The following MAPK8IP1 variants were observed in gnomAD, a reference collection of about 807,000 sequenced individuals.
The protein encoded by MAPK8IP1 is mitogen-activated protein kinase 8 interacting protein 1, also known as C-Jun-amino-terminal kinase-interacting protein 1.
Under a neutral mutation model 72.6 loss-of-function variants are expected in MAPK8IP1, and 17 were observed. The observed-to-expected ratio is 0.23, with a 90% confidence interval of 0.16 to 0.35. MAPK8IP1 has a LOEUF of 0.35. MAPK8IP1 is among the 10% of genes least tolerant of loss of function. The pLI is 1.00. For missense variants in MAPK8IP1, 789 were observed against 1,009.7 expected (o/e 0.78, Z 2.96); for synonymous variants, 401 against 443.4 (o/e 0.90, Z 1.20).
Position 45,900,316 on chromosome 11 carries a change from C to A in MAPK8IP1, c.386C>A (p.Ala129Asp). 1.4e-6 allele frequency: 2 copies of A among 1,413,076 alleles called. No homozygotes were observed. Among genetic ancestry groups the A allele is most frequent in the Non-Finnish European group, 9.2e-7 (1 of 1,091,376 alleles). 87.5% of individuals were successfully genotyped at this position (1,413,076 alleles called of 1,614,324 possible). A position where few individuals can be genotyped will look rare whatever the true frequency, so the allele number is the denominator to read the frequency against. ...CGGCCGGGAGCGGGGCCGCCCAAGG[C>A]CGAGTCCGGCCAGGAGCCGGCGTCC... The part of the protein sequence containing the change: ...ARRPGAGPPK[A>D]ESGQEPASRG... Residue 129 changes from alanine to aspartate, a missense_variant, in exon 3 of 12, where the codon GCC becomes GAC. This residue lies in a region of MAPK8IP1 where 112 missense variants were observed against 192.8 expected (regional missense o/e 0.58). Coordinates refer to ENST00000241014, the MANE Select transcript of MAPK8IP1 (RefSeq NM_005456.4). This position sits in a 1 kb window ranked among gnomAD's most constrained non-coding sequence, Gnocchi z 6.5.
rs1377153803 is a variant in MAPK8IP1, at chr11:45,902,565, A to G, written c.798A>G (p.Arg266=). The change falls in exon 5 of 12, where the codon CGA becomes CGG. Residue 266 remains arginine (R), a synonymous_variant. Coordinates refer to ENST00000241014, the MANE Select transcript of MAPK8IP1 (RefSeq NM_005456.4). The surrounding 1 kb of genome is among the most constrained non-coding windows in gnomAD (Gnocchi z 9.3). The part of the protein sequence containing the change: ...PGGRGHSHRD[R]IHYQADVRLE... ...GTCGGGGCCACTCGCATCGAGACCG[A>G]ATCCACTACCAGGCCGATGTGCGAC... 2.5e-6 allele frequency: 4 copies of G among 1,612,472 alleles called. No individual in the cohort carries two copies. The highest frequency in any genetic ancestry group is 3.4e-6 in the Non-Finnish European group (4 of 1,179,848).
At chr11:45,886,813 T>C (rs555076635) in intron 1 of MAPK8IP1, among the ~76,000 whole-genome samples, 1 of 152,156 alleles carries the variant, frequency 6.6e-6, no homozygotes, top group South Asian at 2.1e-4. Flanking sequence ...ACATACCCCA[T>C]TGTTTCCCCA....
chr11:45,887,992 C>G (rs1238678756), intron 1 of MAPK8IP1, among the ~76,000 whole-genome samples: 1 of 152,246 alleles, frequency 6.6e-6, no homozygotes. Context: ...GGTTTGAATC[C>G]TGGCTGGCCC....
In MAPK8IP1 at chr11:45,902,704, C is replaced by G. The variant is rs1201144593; in HGVS notation, c.937C>G (p.Pro313Ala). The change falls in exon 5 of 12, where the codon CCA becomes GCA. Residue 313 changes from proline to alanine, a missense_variant. Transcript: ENST00000241014. This position sits in a 1 kb window ranked among gnomAD's most constrained non-coding sequence, Gnocchi z 9.3. ...GAGCCGGATGTCAGTCAGCTCCGAT[C>G]CAGACCCTGCCGCCTACCCCTCCAC... ...TESRMSVSSD[P>A]DPAAYPSTAG... 6.2e-7 allele frequency: 1 copy of G among 1,609,856 alleles called. No homozygotes were observed. The highest frequency in any genetic ancestry group is 1.3e-5 in the African/African-American group (1 of 75,032).
At position 45,885,850 on chromosome 11, in the gene MAPK8IP1, A is replaced by C. The variant is rs748239648; in HGVS notation, c.30A>C (p.Gly10=). 14 of 1,446,686 alleles carry C rather than the reference A, an allele frequency of 9.7e-6. No individual in the cohort carries two copies. The highest frequency in any genetic ancestry group is 1.3e-5 in the Non-Finnish European group (14 of 1,096,696). 89.6% of individuals were successfully genotyped at this position (1,446,686 alleles called of 1,614,324 possible). A position where few individuals can be genotyped will look rare whatever the true frequency, so the allele number is the denominator to read the frequency against. MAERESGGL[G]GGAASPPAAS... is the part of the protein sequence containing the mutation. The stretch of plus-strand genomic sequence containing the variant: ...CGGAGCGAGAAAGCGGCGGCCTGGG[A>C]GGGGGGGCCGCGTCCCCGCCCGCCG... The change falls in exon 1 of 12, where the codon GGA becomes GGC. Residue 10 remains glycine (G), a synonymous_variant. Coordinates refer to ENST00000241014, the MANE Select transcript of MAPK8IP1 (RefSeq NM_005456.4).
intron 1 of MAPK8IP1, 115 bp from the exon 2 acceptor site, chr11:45,897,970 G>A: frequency 2.9e-6 from 2 of 701,254 alleles, no homozygotes; most frequent in Admixed American, 2.0e-5. Flanking sequence ...CCCAAATCCT[G>A]TCCTCTGGGG....
At position 45,900,873 on chromosome 11, in the gene MAPK8IP1, G is replaced by A. The variant is rs938628394; in HGVS notation, c.522+421G>A. Among the ~76,000 whole-genome samples the A allele has an allele frequency of 6.6e-6, 1 of 152,096 alleles. No homozygotes were observed. The highest frequency in any genetic ancestry group is 6.5e-5 in the Admixed American group (1 of 15,280). On this transcript the variant is annotated intron_variant, in intron 3 of 11. Transcript: ENST00000241014. This position sits in a 1 kb window ranked among gnomAD's most constrained non-coding sequence, Gnocchi z 6.5. ...AAGGGCATCTGAAATGGTCATCGTG[G>A]GGGAGGCCGTGGGAGATCGTGGCGA...
chr11:45,898,812 G>A (rs980029607), intron 2 of MAPK8IP1, among the ~76,000 whole-genome samples: 1 of 152,220 alleles, frequency 6.6e-6, no homozygotes, highest in Non-Finnish European at 1.5e-5. Context: ...CTAAAGATCT[G>A]AATGCTGCCA....
chr11:45,887,576 C>A (rs1436754380), intron 1 of MAPK8IP1, among the ~76,000 whole-genome samples: 2 of 152,260 alleles, frequency 1.3e-5, no homozygotes, highest in Non-Finnish European at 1.5e-5. Flanking sequence ...GTCCACTCTA[C>A]GTCCCAGCCC....
chr11:45,902,267 G>A lies in MAPK8IP1; in HGVS notation c.605-105G>A. ...GAGCCTGCGAAGGGCCTGTTGCCCA[G>A]GGAGGCTTTGTCTTGGTTTCTGTGT... On this transcript the variant is annotated intron_variant, in intron 4 of 11. Transcript: ENST00000241014. The surrounding 1 kb of genome is among the most constrained non-coding windows in gnomAD (Gnocchi z 9.3). 1.8e-6 allele frequency: 2 copies of A among 1,109,404 alleles called. No homozygotes were observed. Among genetic ancestry groups the A allele is most frequent in the Non-Finnish European group, 2.7e-6 (2 of 743,716 alleles). The allele number at this position is 1,109,404 out of a possible 1,614,324, so 68.7% of individuals were successfully genotyped here. A position where few individuals can be genotyped will look rare whatever the true frequency, so the allele number is the denominator to read the frequency against.
At chr11:45,899,978 G>A (rs778866118) in intron 2 of MAPK8IP1, among the ~76,000 whole-genome samples, 160 bp from the exon 3 acceptor site, 9 of 152,194 alleles carry the variant, frequency 5.9e-5, no homozygotes, top group Non-Finnish European at 1.0e-4. Flanking sequence ...GCTTCCTCGC[G>A]GCGGACGGGC....
Position 45,904,179 on chromosome 11 carries a change from G to C in MAPK8IP1, c.1666+18G>C, listed in dbSNP as rs2086683317. 1 of 1,610,816 alleles carries C rather than the reference G, an allele frequency of 6.2e-7. No homozygotes were observed. The highest frequency in any genetic ancestry group is 1.3e-5 in the African/African-American group (1 of 74,790). On this transcript the variant is annotated intron_variant, in intron 7 of 11. Coordinates refer to ENST00000241014, the MANE Select transcript of MAPK8IP1 (RefSeq NM_005456.4). The surrounding 1 kb of genome is among the most constrained non-coding windows in gnomAD (Gnocchi z 6.4). ...CATGGCAGGTAGTGTTCCCTCCCTGGCCTGTGCCCCCAGCCACCACATCTG... is the reference window on the plus strand; with the variant it reads ...CATGGCAGGTAGTGTTCCCTCCCTGCCCTGTGCCCCCAGCCACCACATCTG...
chr11:45,896,766 A>G, intron 1 of MAPK8IP1: 1 of 1,504,818 alleles, frequency 6.6e-7, no homozygotes, highest in Non-Finnish European at 8.9e-7. Flanking sequence ...GACAGGCCCA[A>G]GCGGTGGAGG....
Position 45,903,848 on chromosome 11 carries a change from G to T in MAPK8IP1, c.1494-141G>T, listed in dbSNP as rs917345295. 1 of 804,164 alleles carries T rather than the reference G, an allele frequency of 1.2e-6. No individual in the cohort carries two copies. The highest frequency in any genetic ancestry group is 2.1e-6 in the Non-Finnish European group (1 of 465,808). 49.8% of individuals were successfully genotyped at this position (804,164 alleles called of 1,614,324 possible). ...CTGCTTGACCTTGCTCTCCCCTGGGGTTAGTACTGCAACAGGCACACAGGA... is the reference window on the plus strand; with the variant it reads ...CTGCTTGACCTTGCTCTCCCCTGGGTTTAGTACTGCAACAGGCACACAGGA... On this transcript the variant is annotated intron_variant, in intron 6 of 11. Transcript: ENST00000241014. The surrounding 1 kb of genome is among the most constrained non-coding windows in gnomAD (Gnocchi z 6.4).
intron 3 of MAPK8IP1, among the ~76,000 whole-genome samples, chr11:45,901,418 A>G (rs2086652206): frequency 6.6e-6 from 1 of 152,078 alleles, no homozygotes; most frequent in Admixed American, 6.5e-5. Flanking sequence ...AAACTCTGTT[A>G]TGGATTTGTC....
intron 1 of MAPK8IP1, among the ~76,000 whole-genome samples, chr11:45,886,711 G>A (rs1302656774): frequency 1.3e-5 from 2 of 152,198 alleles, no homozygotes; most frequent in South Asian, 4.1e-4. Flanking sequence ...TGTGGAGGAG[G>A]AATAGATGTA....
chr11:45,891,607 G>T (rs1048658960), intron 1 of MAPK8IP1, among the ~76,000 whole-genome samples: 2 of 152,216 alleles, frequency 1.3e-5, no homozygotes, highest in Non-Finnish European at 2.9e-5. Context: ...ATGAAAGTCT[G>T]TGAAGGACAG....
intron 11 of MAPK8IP1, 35 bp from the exon 12 acceptor site, chr11:45,905,614 C>T (rs754128688): frequency 1.0e-4 from 163 of 1,584,900 alleles, no homozygotes; most frequent in Middle Eastern, 1.0e-3. Flanking sequence ...TTGCCAGTGG[C>T]GATCTGAGCC....
Position 45,905,741 on chromosome 11 carries a change from GCGTCCCCCAGCCCTCAGGCCAGT to G in MAPK8IP1, c.*21_*43del. On this transcript the variant is annotated 3_prime_UTR_variant, in exon 12 of 12. Transcript: ENST00000241014. ...GAGTAGCTGTGCAGCCCCGCCCTCTGCGTCCCCCAGCCCTCAGGCCAGTGCCAGGACAGCTGGCTGCTGACAGG... is the reference window on the plus strand; with the variant it reads ...GAGTAGCTGTGCAGCCCCGCCCTCTGGCCAGGACAGCTGGCTGCTGACAGG... 6.2e-7 allele frequency: 1 copy of G among 1,609,924 alleles called. No individual in the cohort carries two copies. Among genetic ancestry groups the G allele is most frequent in the East Asian group, 2.2e-5 (1 of 44,864 alleles).
Sources: gnomAD v4.1 joint callset for allele counts (sites outside exome capture counted in the v4.1 genomes callset) on GRCh38, gnomAD v4.1.1 for gene constraint, gnomAD v4.1.1 regional missense constraint, Gnocchi (gnomAD v3.1) non-coding constraint, MANE v1.5 for transcripts, NCBI Gene and HGNC (gene_info 2026-07-23, HGNC 2026-07-21) for gene names.